The following RABGAP1 variants were observed in gnomAD, a reference collection of about 807,000 sequenced individuals.
RABGAP1 encodes rab GTPase-activating protein 1.
In RABGAP1, 23 loss-of-function variants were observed where a neutral mutation model predicts 137.6. That is an observed-to-expected ratio of 0.17 (90% CI 0.12 to 0.24). RABGAP1 has a LOEUF of 0.24. RABGAP1 is among the 10% of genes least tolerant of loss of function. The pLI is 1.00. For missense variants in RABGAP1, 906 were observed against 1,275.8 expected, an observed-to-expected ratio of 0.71 and a Z score of 4.42; for synonymous variants, 451 against 450.7, an observed-to-expected ratio of 1.00 and a Z score of -0.01.
chr9:122,999,826 A>G (rs1837230676), intron 10 of RABGAP1, among the ~76,000 whole-genome samples: 1 of 151,204 alleles, frequency 6.6e-6, no homozygotes, highest in Non-Finnish European at 1.5e-5. Context: ...TGTATATTTT[A>G]GAGCTTTTGA....
At chr9:123,076,916 A>G (rs920822582) in intron 19 of RABGAP1, 154 bp downstream of exon 19, 2 of 420,042 alleles carry the variant, frequency 4.8e-6, no homozygotes, top group Non-Finnish European at 6.6e-6. Flanking sequence ...AATATTAATG[A>G]TGTTTTCTTC....
intron 6 of RABGAP1, among the ~76,000 whole-genome samples, chr9:122,993,659 G>T (rs969645113): frequency 1.3e-5 from 2 of 152,114 alleles, no homozygotes; most frequent in Admixed American, 6.6e-5. Context: ...TTGAGACAGG[G>T]TCTCACACTT....
At chr9:123,035,273 G>C (rs2032568082) in intron 13 of RABGAP1, 6 of 1,614,180 alleles carry the variant, frequency 3.7e-6, no homozygotes, top group Non-Finnish European at 5.1e-6. Context: ...AGCAGCCAGA[G>C]TGGGGAGACT....
At chr9:122,981,534 A>G (rs921484383) in intron 2 of RABGAP1, among the ~76,000 whole-genome samples, 1 of 152,182 alleles carries the variant, frequency 6.6e-6, no homozygotes, top group Non-Finnish European at 1.5e-5. Flanking sequence ...CAACATCACT[A>G]TGATCTGGGA....
intron 19 of RABGAP1, among the ~76,000 whole-genome samples, chr9:123,089,316 A>G (rs944949501): frequency 1.1e-4 from 17 of 152,212 alleles, no homozygotes; most frequent in Non-Finnish European, 2.1e-4. Context: ...GTCAAGTTAC[A>G]TAACCAACCT....
At chr9:122,953,065 T>C (rs925860384) in intron 1 of RABGAP1, among the ~76,000 whole-genome samples, 1 of 152,232 alleles carries the variant, frequency 6.6e-6, no homozygotes, top group African/African-American at 2.4e-5. Flanking sequence ...AGGAAATTAA[T>C]TTATTTATTT....
At chr9:123,051,922 G>A (rs534137424) in intron 13 of RABGAP1, among the ~76,000 whole-genome samples, 123 of 150,598 alleles carry the variant, frequency 8.2e-4, no homozygotes, top group Non-Finnish European at 1.6e-3. Flanking sequence ...CTCCTGAGTA[G>A]CTGGGACTAC....
intron 13 of RABGAP1, among the ~76,000 whole-genome samples, chr9:123,053,141 T>C (rs1481962829): frequency 6.6e-6 from 1 of 152,228 alleles, no homozygotes; most frequent in African/African-American, 2.4e-5. Flanking sequence ...AAACATAATG[T>C]TACTGGGTTT....
rs774136181 is a variant in RABGAP1 at position 122,998,652 on chromosome 9, G to T, written c.1260G>T (p.Glu420Asp). ...ATTTGGTAATAACAGAAGTACAGGA[G>T]CCTGTTCGATTTCTCCTGGAGACAA... ...AVDLVITEVQ[E>D]PVRFLLETKV... The change falls in exon 10 of 26, where the codon GAG becomes GAT. Residue 420 changes from glutamate to aspartate, a missense_variant. This residue lies in a region of RABGAP1 where 212 missense variants were observed against 289.4 expected (regional missense o/e 0.73). Coordinates refer to ENST00000373647, the MANE Select transcript of RABGAP1 (RefSeq NM_012197.4). 4 of 1,612,066 alleles carry T rather than the reference G, an allele frequency of 2.5e-6. No homozygotes were observed. Among genetic ancestry groups the T allele is most frequent in the Non-Finnish European group, 2.5e-6 (3 of 1,178,206 alleles).
At chr9:123,039,732 T>C (rs2032860351) in intron 13 of RABGAP1, among the ~76,000 whole-genome samples, 1 of 152,160 alleles carries the variant, frequency 6.6e-6, no homozygotes, top group Non-Finnish European at 1.5e-5. Flanking sequence ...TTAGGAAATA[T>C]GTAGTTGGAT....
At chr9:123,002,099 T>C (rs1837349975) in intron 10 of RABGAP1, among the ~76,000 whole-genome samples, 1 of 152,100 alleles carries the variant, frequency 6.6e-6, no homozygotes, top group Admixed American at 6.6e-5. Context: ...GTTGGGAGTT[T>C]GAAACCAGCC....
chr9:123,063,519 T>C (rs1312371725), intron 13 of RABGAP1, among the ~76,000 whole-genome samples: 1 of 152,272 alleles, frequency 6.6e-6, no homozygotes, highest in Non-Finnish European at 1.5e-5. Flanking sequence ...TTTTGCATTG[T>C]ATAGGAGTTC....
chr9:123,029,321 T>C, intron 13 of RABGAP1: 1 of 674,732 alleles, frequency 1.5e-6, no homozygotes, highest in Non-Finnish European at 2.6e-6. Flanking sequence ...AAGCTCATTT[T>C]TTTTTTTTAC....
chr9:122,947,882 T>G (rs1176622855), intron 1 of RABGAP1, among the ~76,000 whole-genome samples: 1 of 152,246 alleles, frequency 6.6e-6, no homozygotes, highest in Non-Finnish European at 1.5e-5. Flanking sequence ...CAAAGACATC[T>G]ATTGTTTAGC....
At position 123,103,425 on chromosome 9, in the gene RABGAP1, G is replaced by A. The variant is rs1040927092; in HGVS notation, c.*212G>A. 7 of 567,220 alleles carry A rather than the reference G, an allele frequency of 1.2e-5. No individual in the cohort carries two copies. Among genetic ancestry groups the A allele is most frequent in the Middle Eastern group, 5.3e-4 (1 of 1,904 alleles). The allele number at this position is 567,220 out of a possible 1,614,324, so 35.1% of individuals were successfully genotyped here. ...TACTAACAGGCCTGCTAGCTCAGCC[G>A]ACGCTCTGGACACTCTAGAAATCAC... is the stretch of plus-strand genomic sequence containing the variant. On this transcript the variant is annotated 3_prime_UTR_variant, in exon 26 of 26. Coordinates refer to ENST00000373647, the MANE Select transcript of RABGAP1 (RefSeq NM_012197.4).
Position 122,975,922 on chromosome 9 carries a change from C to G in RABGAP1, c.151-8563C>G, listed in dbSNP as rs578220107. Among the ~76,000 whole-genome samples the G allele has an allele frequency of 4.6e-5, 7 of 152,270 alleles. No individual in the cohort carries two copies. In the East Asian group the frequency reaches 1.3e-3, roughly 29 times the overall value. ...CAGAGTTAATGTCAGAGCAATGTCC[C>G]AAAGCCAGATATGTCTTACTTGGGA... On this transcript the variant is annotated intron_variant, in intron 2 of 25. Transcript: ENST00000373647.
At chr9:123,081,578 A>G (rs1173684359) in intron 19 of RABGAP1, among the ~76,000 whole-genome samples, 3 of 151,856 alleles carry the variant, frequency 2.0e-5, no homozygotes, top group Non-Finnish European at 4.4e-5. Context: ...CTGCGAGTAC[A>G]GGCATGCACC....
Position 123,098,767 on chromosome 9 carries a change from A to T in RABGAP1, c.2786A>T (p.Lys929Ile). ...GACAAGGCAGAATCTGAGATTAAAA[A>T]AAACAGTTCTATCATTGGTGACTAT... ...ELDKAESEIK[K>I]NSSIIGDYKQ... Residue 929 changes from lysine to isoleucine, a missense_variant, in exon 23 of 26, where the codon AAA becomes ATA. Coordinates refer to ENST00000373647, the MANE Select transcript of RABGAP1 (RefSeq NM_012197.4). 1.9e-6 allele frequency: 3 copies of T among 1,613,984 alleles called. No individual in the cohort carries two copies. Among genetic ancestry groups the T allele is most frequent in the Non-Finnish European group, 2.5e-6 (3 of 1,179,898 alleles).
intron 12 of RABGAP1, among the ~76,000 whole-genome samples, chr9:123,018,385 G>T (rs1254006627): frequency 6.6e-6 from 1 of 152,212 alleles, no homozygotes; most frequent in African/African-American, 2.4e-5. Flanking sequence ...AGGTTAGCAG[G>T]CTTTGTCTGT....
Sources: allele counts gnomAD v4.1 joint callset (sites outside exome capture counted in the v4.1 genomes callset), GRCh38; gene constraint gnomAD v4.1.1; regional missense constraint gnomAD v4.1.1; transcripts MANE v1.5; gene names NCBI Gene and HGNC (gene_info 2026-07-23, HGNC 2026-07-21).